The following TENM3 variants were observed in gnomAD, a reference collection of about 807,000 sequenced individuals.
The protein encoded by TENM3 is teneurin transmembrane protein 3.
A neutral mutation model predicts 255.1 loss-of-function variants in TENM3; 63 were observed. That is an observed-to-expected ratio of 0.25 (90% confidence interval 0.20 to 0.30). TENM3 has a LOEUF of 0.30. Ranked by LOEUF, TENM3 falls within the 10% of genes least tolerant of loss-of-function variation. TENM3 has a pLI of 1.00. For synonymous variants in TENM3, 1,306 were observed against 1,322.3 expected, an observed-to-expected ratio of 0.99 and a Z score of 0.27; for missense variants, 2,929 against 3,461.1, an observed-to-expected ratio of 0.85 and a Z score of 3.86.
chr4:181,571,931 G>C, the TENM3 span, among the ~76,000 whole-genome samples: 563 of 152,106 alleles, frequency 3.7e-3, 4 homozygotes, highest in African/African-American at 0.013. Flanking sequence ...AGGAAAAAGA[G>C]AATATATGTA....
chr4:182,791,372 C>A (rs934541508), intron 25 of TENM3, among the ~76,000 whole-genome samples: 4 of 152,222 alleles, frequency 2.6e-5, no homozygotes, highest in African/African-American at 9.6e-5. Flanking sequence ...GAGTCACCCA[C>A]AGCCCTGTGT....
chr4:181,628,057 T>C, the TENM3 span, among the ~76,000 whole-genome samples: 1 of 152,184 alleles, frequency 6.6e-6, no homozygotes, highest in Non-Finnish European at 1.5e-5. Context: ...TATCTCATTG[T>C]GGTTTTGATT....
the TENM3 span, among the ~76,000 whole-genome samples, chr4:181,631,394 A>T: frequency 6.6e-6 from 1 of 151,994 alleles, no homozygotes; most frequent in Admixed American, 6.6e-5. Flanking sequence ...GGTTCAAGCG[A>T]TTCTCCTGCC....
the TENM3 span, among the ~76,000 whole-genome samples, chr4:181,717,277 T>G: frequency 6.6e-6 from 1 of 152,328 alleles, no homozygotes; most frequent in African/African-American, 2.4e-5. Flanking sequence ...GAGTTCTGTC[T>G]TTATTTCTTT....
chr4:182,100,797 A>T, the TENM3 span, among the ~76,000 whole-genome samples: 5 of 2,876 alleles, frequency 1.7e-3, no homozygotes, highest in African/African-American at 1.9e-3. Context: ...ATATATATAC[A>T]CATATATATA....
At chr4:181,977,327 A>ATGTAAATTTACAT in the TENM3 span, among the ~76,000 whole-genome samples, 1 of 152,178 alleles carries the variant, frequency 6.6e-6, no homozygotes, top group Non-Finnish European at 1.5e-5. Flanking sequence ...TACATAAGTA[A>ATGTAAATTTACAT]ATGTATGTAA....
the TENM3 span, among the ~76,000 whole-genome samples, chr4:181,847,583 A>G: frequency 6.6e-6 from 1 of 152,052 alleles, no homozygotes; most frequent in Non-Finnish European, 1.5e-5. Context: ...ATATTATATA[A>G]CATATTGTAA....
the TENM3 span, among the ~76,000 whole-genome samples, chr4:181,850,821 C>T: frequency 1.8e-3 from 281 of 152,232 alleles, 2 homozygotes; most frequent in African/African-American, 6.4e-3. Flanking sequence ...TTTTGAGACA[C>T]AGCCCAAGTT....
At position 182,190,332 on chromosome 4, in the gene TENM3, G is replaced by C. The variant is rs539124970; in HGVS notation, c.-76+45578G>C. ...GCAACTCAGATAACTACAGAAAACT[G>C]TGTGTAAAAATCAGCCCACCAGTAT... On this transcript the variant is annotated intron_variant, in intron 1 of 2. Coordinates refer to the TENM3 transcript ENST00000512480. 6 of 152,290 alleles carry C rather than the reference G, an allele frequency of 3.9e-5. No homozygotes were observed. The East Asian group carries it at 1.2e-3, about 29-fold the overall frequency. The allele number at this position is 152,290 out of a possible 1,614,324, so 9.4% of individuals were successfully genotyped here. A position where few individuals can be genotyped will look rare whatever the true frequency, so the allele number is the denominator to read the frequency against.
the TENM3 span, chr4:182,085,174 C>T: frequency 6.6e-6 from 1 of 152,168 alleles, no homozygotes; most frequent in Non-Finnish European, 1.5e-5. Flanking sequence ...GCTTAGGTTA[C>T]CTACATGACA....
chr4:182,459,706 AT>A (rs1774181075), intron 3 of TENM3, among the ~76,000 whole-genome samples: 1 of 152,152 alleles, frequency 6.6e-6, no homozygotes, highest in Admixed American at 6.5e-5. Flanking sequence ...TGAAAAAAAA[AT>A]TATTTGCTTT....
intron 1 of TENM3, among the ~76,000 whole-genome samples, chr4:182,288,235 CTATT>C (rs1760876293): frequency 6.6e-6 from 1 of 151,992 alleles, no homozygotes; most frequent in Non-Finnish European, 1.5e-5. Context: ...TGCGGCTGGC[CTATT>C]TATTTATTTT....
At chr4:182,111,247 C>T in the TENM3 span, among the ~76,000 whole-genome samples, 1 of 124,322 alleles carries the variant, frequency 8.0e-6, no homozygotes, top group Non-Finnish European at 1.6e-5. Context: ...TTCAGTCTGA[C>T]AGGTAAATCA....
the TENM3 span, chr4:181,906,114 G>T: frequency 3.4e-6 from 1 of 296,736 alleles, no homozygotes; most frequent in South Asian, 3.7e-5. Flanking sequence ...GGATAAAATG[G>T]CAGGCAGGGC....
the TENM3 span, among the ~76,000 whole-genome samples, chr4:181,888,396 CG>C: frequency 4.7e-5 from 7 of 149,688 alleles, no homozygotes; most frequent in African/African-American, 1.7e-4. Context: ...TGTAGGTAAA[CG>C]TTTAGATAGC....
At chr4:182,711,723 T>A (rs1180203707) in intron 12 of TENM3, 1 of 225,886 alleles carries the variant, frequency 4.4e-6, no homozygotes, top group African/African-American at 2.3e-5. Context: ...CAGAGTTAAA[T>A]TATGTAAAAT....
At chr4:182,588,215 A>G (rs972814893) in intron 3 of TENM3, among the ~76,000 whole-genome samples, 1 of 152,176 alleles carries the variant, frequency 6.6e-6, no homozygotes, top group African/African-American at 2.4e-5. Flanking sequence ...AAGTTAATTG[A>G]TTTATATAGT....
the TENM3 span, among the ~76,000 whole-genome samples, chr4:181,605,561 A>G: frequency 1.0e-4 from 3 of 29,998 alleles, no homozygotes; most frequent in Non-Finnish European, 3.2e-4. Context: ...AAAGAAAGAA[A>G]GAAAGAAAGA....
the TENM3 span, among the ~76,000 whole-genome samples, chr4:181,633,058 T>A: frequency 1.3e-5 from 2 of 152,204 alleles, no homozygotes; most frequent in Non-Finnish European, 2.9e-5. Context: ...CTTCCAGAAG[T>A]AGCCCAATTT....
Sources: gnomAD v4.1 joint callset for allele counts (sites outside exome capture counted in the v4.1 genomes callset) on GRCh38, gnomAD v4.1.1 for gene constraint, MANE v1.5 for transcripts, NCBI Gene and HGNC (gene_info 2026-07-23, HGNC 2026-07-21) for gene names.